CNTN1: variants seen among roughly 807,000 people sequenced by gnomAD.
CNTN1 encodes contactin 1, also known as contactin-1.
A neutral mutation model predicts 126.4 loss-of-function variants in CNTN1; 38 were observed. The ratio of observed to expected loss-of-function variants is 0.30; its 90% CI spans 0.23 to 0.39. CNTN1 has a LOEUF of 0.39. Ranked by LOEUF, CNTN1 falls within the 10% of genes least tolerant of loss-of-function variation. The pLI is 1.00. For missense variants in CNTN1, 1,009 were observed against 1,248.4 expected (o/e 0.81, Z 2.89); for synonymous variants, 413 against 422.6 (o/e 0.98, Z 0.28).
At chr12:40,895,350 C>T (rs1944373884) in intron 1 of CNTN1, among the ~76,000 whole-genome samples, 1 of 152,172 alleles carries the variant, frequency 6.6e-6, no homozygotes, top group Non-Finnish European at 1.5e-5. Context: ...TTCAAAACAC[C>T]TGCAACTAGG....
chr12:40,922,731 G>A (rs1240381388), intron 5 of CNTN1, among the ~76,000 whole-genome samples: 1 of 152,154 alleles, frequency 6.6e-6, no homozygotes, highest in African/African-American at 2.4e-5. Flanking sequence ...CCAGCACTTT[G>A]GGAGGCTGAG....
At chr12:40,992,971 T>A in intron 16 of CNTN1, 149 bp from the exon 17 acceptor site, 1 of 680,452 alleles carries the variant, frequency 1.5e-6, no homozygotes, top group Non-Finnish European at 2.5e-6. Flanking sequence ...CTCCCTTGAA[T>A]TTAACATTTT....
intron 6 of CNTN1, among the ~76,000 whole-genome samples, chr12:40,925,601 A>G (rs965313506): frequency 2.1e-5 from 3 of 145,782 alleles, no homozygotes; most frequent in African/African-American, 7.5e-5. Flanking sequence ...GTATATATAT[A>G]TATACGTGTA....
chr12:41,052,831 T>G (rs1338227058), intron 23 of CNTN1, among the ~76,000 whole-genome samples: 1 of 152,000 alleles, frequency 6.6e-6, no homozygotes, highest in Non-Finnish European at 1.5e-5. Flanking sequence ...GAATCGGATT[T>G]CCAGTATATG....
intron 1 of CNTN1, among the ~76,000 whole-genome samples, chr12:40,726,664 C>A (rs1185981106): frequency 6.6e-6 from 1 of 152,038 alleles, no homozygotes; most frequent in Admixed American, 6.6e-5. Context: ...GAGGCAGAGC[C>A]AAACCATGTT....
At chr12:40,888,890 C>A (rs901185218) in intron 1 of CNTN1, among the ~76,000 whole-genome samples, 5 of 152,178 alleles carry the variant, frequency 3.3e-5, no homozygotes, top group Non-Finnish European at 7.3e-5. Context: ...AGGAGACAAC[C>A]ATTCAAAGGA....
intron 16 of CNTN1, among the ~76,000 whole-genome samples, chr12:40,986,910 A>G (rs1947968738): frequency 6.6e-6 from 1 of 152,170 alleles, no homozygotes; most frequent in Non-Finnish European, 1.5e-5. Flanking sequence ...TTGTCTGTAA[A>G]TATCTGTTAG....
At chr12:40,709,989 A>T (rs577687283) in intron 1 of CNTN1, among the ~76,000 whole-genome samples, 6 of 152,136 alleles carry the variant, frequency 3.9e-5, no homozygotes, top group African/African-American at 1.4e-4. Flanking sequence ...CAACTTAGCT[A>T]TTTCGCCAGG....
At chr12:41,049,916 G>T (rs1949633521) in intron 23 of CNTN1, among the ~76,000 whole-genome samples, 1 of 152,014 alleles carries the variant, frequency 6.6e-6, no homozygotes, top group Middle Eastern at 3.4e-3. Flanking sequence ...TTTTTGTTTT[G>T]AGATGGAGTC....
At chr12:40,934,018 T>A in intron 9 of CNTN1, 140 bp downstream of exon 9, 1 of 715,834 alleles carries the variant, frequency 1.4e-6, no homozygotes, top group Non-Finnish European at 2.4e-6. Flanking sequence ...AGATAAAATA[T>A]TTCTCATATG....
chr12:40,854,804 A>C (rs1431520034), intron 1 of CNTN1, among the ~76,000 whole-genome samples: 1 of 152,142 alleles, frequency 6.6e-6, no homozygotes, highest in African/African-American at 2.4e-5. Flanking sequence ...TCAGAAGAGC[A>C]GATGGCGGAA....
At chr12:40,694,229 T>C (rs994464825) in intron 1 of CNTN1, among the ~76,000 whole-genome samples, 5 of 152,234 alleles carry the variant, frequency 3.3e-5, no homozygotes, top group African/African-American at 1.2e-4. Context: ...CGGGGGTAGA[T>C]GTGAGGTATT....
intron 1 of CNTN1, among the ~76,000 whole-genome samples, chr12:40,857,073 C>A (rs312266): frequency 0.37 from 55,779 of 151,826 alleles, 10,197 homozygotes; most frequent in Admixed American, 0.42. Context: ...CAAAGGGGTA[C>A]ATAACTTTTT....
At chr12:40,733,793 A>C (rs1395517963) in intron 1 of CNTN1, among the ~76,000 whole-genome samples, 1 of 152,070 alleles carries the variant, frequency 6.6e-6, no homozygotes, top group Non-Finnish European at 1.5e-5. Flanking sequence ...TTGTCTCTGA[A>C]AGAGTACAGT....
At chr12:41,052,369 T>C (rs1462081596) in intron 23 of CNTN1, among the ~76,000 whole-genome samples, 1 of 152,158 alleles carries the variant, frequency 6.6e-6, no homozygotes, top group African/African-American at 2.4e-5. Flanking sequence ...ATATATAAAG[T>C]ATTGTATATT....
intron 1 of CNTN1, among the ~76,000 whole-genome samples, chr12:40,768,727 A>G (rs1170203679): frequency 2.0e-5 from 3 of 151,426 alleles, no homozygotes. Context: ...TTTTACAACA[A>G]TGTTTTCATT....
At chr12:40,806,354 G>C (rs1303928729) in intron 1 of CNTN1, among the ~76,000 whole-genome samples, 2 of 152,166 alleles carry the variant, frequency 1.3e-5, no homozygotes, top group African/African-American at 4.8e-5. Context: ...CCCCCAGAGA[G>C]AAGTGTGGTT....
intron 5 of CNTN1, among the ~76,000 whole-genome samples, chr12:40,924,285 T>G (rs1414176161): frequency 6.6e-6 from 1 of 152,138 alleles, no homozygotes; most frequent in Non-Finnish European, 1.5e-5. Context: ...AACAAAAGTC[T>G]TCAGGATATT....
At chr12:40,805,610 G>A (rs780921392) in intron 1 of CNTN1, among the ~76,000 whole-genome samples, 74 of 151,986 alleles carry the variant, frequency 4.9e-4, no homozygotes, top group Non-Finnish European at 8.2e-4. Flanking sequence ...CATTTTAATC[G>A]CTGATATTTT....
Sources: gnomAD v4.1 joint callset for allele counts (sites outside exome capture counted in the v4.1 genomes callset) on GRCh38, gnomAD v4.1.1 for gene constraint, MANE v1.5 for transcripts, NCBI Gene and HGNC (gene_info 2026-07-23, HGNC 2026-07-21) for gene names.